CPNE4: variants seen among roughly 807,000 people sequenced by gnomAD.
CPNE4 encodes copine 4, also known as copine-4.
A neutral mutation model predicts 67.9 loss-of-function variants in CPNE4; 25 were observed. The observed-to-expected ratio is 0.37, with a 90% CI of 0.27 to 0.51. The LOEUF is 0.51. Among genes scored for constraint, CPNE4 ranks in the 20% least tolerant of loss-of-function variants. The probability of loss-of-function intolerance (pLI) is 0.93; values close to 1 mark genes in which losing one functional copy is unlikely to be tolerated. For missense variants in CPNE4, 464 were observed against 690.8 expected, an observed-to-expected ratio of 0.67 and a Z score of 3.68; for synonymous variants, 242 against 244.9, an observed-to-expected ratio of 0.99 and a Z score of 0.11.
Position 131,805,098 on chromosome 3 carries a change from T to C in CPNE4, c.181-81473A>G, listed in dbSNP as rs538265855. ...TGAGTCAAACCAACAGAATTCTTAT[T>C]GCCCATTCTGTGATTTTTCTCTCCT... On this transcript the variant is annotated intron_variant, in intron 2 of 15. Transcript: ENST00000429747. Among the ~76,000 whole-genome samples the C allele has an allele frequency of 7.9e-5, 12 of 152,324 alleles. 1 individual carries two copies. In the South Asian group the frequency reaches 2.5e-3, roughly 32 times the overall value.
Position 131,958,971 on chromosome 3 carries a change from T to TAAGTTTCAATTATCCTATATATAA in CPNE4, c.-1-53528_-1-53527insTTATATATAGGATAATTGAAACTT. 8.3e-3 allele frequency among the ~76,000 whole-genome samples: 173 copies of TAAGTTTCAATTATCCTATATATAA among 20,734 alleles called. 13 individuals are homozygous for TAAGTTTCAATTATCCTATATATAA. The highest frequency in any genetic ancestry group is 0.011 in the East Asian group (8 of 742). The allele number at this position is 20,734 out of a possible 152,430, so 13.6% of individuals were successfully genotyped here. On this transcript the variant is annotated intron_variant, in intron 1 of 15. Coordinates refer to ENST00000429747, the MANE Select transcript of CPNE4 (RefSeq NM_130808.3). The stretch of plus-strand genomic sequence containing the variant: ...CGGCTCCCGGCCTGATACACCTTTC[T>TAAGTTTCAATTATCCTATATATAA]TTTTTTTTTTTTTTTTTTTTTTTTT...
chr3:131,888,742 T>C lies in CPNE4; in HGVS notation c.180+16522A>G, dbSNP rs144924294. Among the ~76,000 whole-genome samples, 114 of 152,290 alleles carry C rather than the reference T, an allele frequency of 7.5e-4. 1 individual carries two copies. The highest frequency in any genetic ancestry group is 2.7e-3 in the African/African-American group (112 of 41,562). On this transcript the variant is annotated intron_variant, in intron 2 of 15. Transcript: ENST00000429747. Reference sequence around the variant, plus strand: ...GTGGAATGAAGTTGCTCCAAGTCTATTTATCTTCTTCAAAATGCAGAGAGT... The same window carrying C: ...GTGGAATGAAGTTGCTCCAAGTCTACTTATCTTCTTCAAAATGCAGAGAGT...
At chr3:131,979,959 A>T (rs940670840) in intron 1 of CPNE4, among the ~76,000 whole-genome samples, 2 of 152,122 alleles carry the variant, frequency 1.3e-5, no homozygotes, top group African/African-American at 2.4e-5. Flanking sequence ...TATGATGCTT[A>T]GTTTTGCTGG....
intron 2 of CPNE4, among the ~76,000 whole-genome samples, chr3:131,843,831 C>G (rs925785157): frequency 6.6e-6 from 1 of 152,064 alleles, no homozygotes; most frequent in African/African-American, 2.4e-5. Context: ...AAAATGTGCC[C>G]CTCTGTTCTG....
intron 2 of CPNE4, among the ~76,000 whole-genome samples, chr3:131,815,335 G>A (rs1475694180): frequency 6.6e-6 from 1 of 152,152 alleles, no homozygotes; most frequent in Non-Finnish European, 1.5e-5. Flanking sequence ...AAATTCTTTG[G>A]ATAAGAATTG....
chr3:131,599,087 T>A (rs1475800139), intron 7 of CPNE4, among the ~76,000 whole-genome samples: 1 of 152,220 alleles, frequency 6.6e-6, no homozygotes, highest in Non-Finnish European at 1.5e-5. Context: ...ATACATATAA[T>A]CATAATTAGG....
chr3:131,908,387 C>T (rs935678123), intron 1 of CPNE4, among the ~76,000 whole-genome samples: 2 of 152,086 alleles, frequency 1.3e-5, no homozygotes, highest in African/African-American at 4.8e-5. Context: ...GGAAAGATGG[C>T]TTTGTGTTCA....
chr3:131,665,054 T>C (rs949451135), intron 7 of CPNE4, among the ~76,000 whole-genome samples: 1 of 152,144 alleles, frequency 6.6e-6, no homozygotes, highest in African/African-American at 2.4e-5. Flanking sequence ...CTGATACCTT[T>C]AGAGTTACAT....
At chr3:131,818,699 T>C (rs1302449223) in intron 2 of CPNE4, among the ~76,000 whole-genome samples, 1 of 152,260 alleles carries the variant, frequency 6.6e-6, no homozygotes, top group Non-Finnish European at 1.5e-5. Context: ...GTTTAAAACC[T>C]GATTGAATCT....
chr3:132,013,228 T>C (rs548829534), intron 1 of CPNE4, among the ~76,000 whole-genome samples: 3 of 152,106 alleles, frequency 2.0e-5, no homozygotes, highest in Non-Finnish European at 4.4e-5. Context: ...ATCTCAAAAA[T>C]AAAAGAAAAT....
rs1294680747 is a variant in CPNE4, at chr3:131,723,487, C to T, written c.319G>A (p.Glu107Lys). 25 of 1,613,466 alleles carry T rather than the reference C, an allele frequency of 1.5e-5. No individual in the cohort carries two copies. Among genetic ancestry groups the T allele is most frequent in the Non-Finnish European group, 2.0e-5 (24 of 1,180,042 alleles). Reference protein sequence around the residue: ...DISSNHNGLKEADFLGGMECT... With the variant: ...DISSNHNGLKKADFLGGMECT... ...TCCATGCCACCAAGGAAGTCGGCCT[C>T]CTTCAGCCCATTGTGGTTGCTGCTG... The change falls in exon 3 of 16, where the codon GAG becomes AAG. Residue 107 changes from glutamate (E) to lysine (K), a missense_variant. Transcript: ENST00000429747.
At position 131,858,652 on chromosome 3, in the gene CPNE4, T is replaced by A. The variant is rs145134467; in HGVS notation, c.180+46612A>T. On this transcript the variant is annotated intron_variant, in intron 2 of 15. Coordinates refer to ENST00000429747, the MANE Select transcript of CPNE4 (RefSeq NM_130808.3). ...ACACCAGTGAAACATTTGGAAATGA[T>A]CACTCTCAAATTCTTCCCAAGGTTA... Among the ~76,000 whole-genome samples, 250 of 152,290 alleles carry A rather than the reference T, an allele frequency of 1.6e-3. 1 individual carries two copies. The highest frequency in any genetic ancestry group is 5.7e-3 in the African/African-American group (237 of 41,568).
At chr3:131,911,899 G>A (rs2088994517) in intron 1 of CPNE4, among the ~76,000 whole-genome samples, 1 of 152,104 alleles carries the variant, frequency 6.6e-6, no homozygotes, top group Non-Finnish European at 1.5e-5. Context: ...AAATTGTTTG[G>A]CTTTGGTCCA....
chr3:131,841,738 C>T (rs1322328859), intron 2 of CPNE4, among the ~76,000 whole-genome samples: 2 of 152,214 alleles, frequency 1.3e-5, no homozygotes, highest in Non-Finnish European at 2.9e-5. Context: ...GATGGACCAC[C>T]CATATCTTCC....
At chr3:131,931,623 A>T (rs2071062194) in intron 1 of CPNE4, among the ~76,000 whole-genome samples, 1 of 152,100 alleles carries the variant, frequency 6.6e-6, no homozygotes, top group African/African-American at 2.4e-5. Context: ...TATATCACAA[A>T]GAACATTTAT....
At chr3:131,943,725 C>T (rs1319467824) in intron 1 of CPNE4, among the ~76,000 whole-genome samples, 4 of 152,122 alleles carry the variant, frequency 2.6e-5, no homozygotes, top group Non-Finnish European at 5.9e-5. Context: ...AAAACACTAA[C>T]ATGACCTCGT....
chr3:131,545,156 T>C (rs1935755191), intron 14 of CPNE4, among the ~76,000 whole-genome samples: 1 of 152,244 alleles, frequency 6.6e-6, no homozygotes, highest in African/African-American at 2.4e-5. Context: ...TGAGAGGCTG[T>C]GTTCCAATAA....
chr3:131,933,812 T>C (rs2071140656), intron 1 of CPNE4, among the ~76,000 whole-genome samples: 1 of 151,632 alleles, frequency 6.6e-6, no homozygotes, highest in African/African-American at 2.4e-5. Context: ...AAACACATGT[T>C]CTCACTTATA....
intron 2 of CPNE4, among the ~76,000 whole-genome samples, chr3:131,860,398 A>C (rs2086627391): frequency 6.6e-6 from 1 of 152,206 alleles, no homozygotes; most frequent in African/African-American, 2.4e-5. Context: ...AGCTCATTTT[A>C]ATTATAGCTA....
Sources: gnomAD v4.1 joint callset for allele counts (sites outside exome capture counted in the v4.1 genomes callset) on GRCh38, gnomAD v4.1.1 for gene constraint, MANE v1.5 for transcripts, NCBI Gene and HGNC (gene_info 2026-07-23, HGNC 2026-07-21) for gene names.